TRABD2B: variants seen among roughly 807,000 people sequenced by gnomAD.
TRABD2B encodes metalloprotease TIKI2.
TRABD2B carries 14 observed loss-of-function variants against 40.1 expected under a neutral mutation model. That is an observed-to-expected ratio of 0.35 (90% CI 0.23 to 0.55). TRABD2B has a LOEUF of 0.55. TRABD2B is among the 20% of genes least tolerant of loss of function. The probability of loss-of-function intolerance (pLI) is 0.90; values close to 1 mark genes in which losing one functional copy is unlikely to be tolerated. For synonymous variants in TRABD2B, 263 were observed against 277.0 expected, an observed-to-expected ratio of 0.95 and a Z score of 0.50; for missense variants, 541 against 648.6, an observed-to-expected ratio of 0.83 and a Z score of 1.80.
chr1:47,835,645 A>G (rs1349977539), intron 2 of TRABD2B, among the ~76,000 whole-genome samples: 1 of 152,254 alleles, frequency 6.6e-6, no homozygotes, highest in African/African-American at 2.4e-5. Flanking sequence ...AAGAACGTCA[A>G]TGAAGAATTC....
At chr1:47,991,637 A>G (rs1646012625) in intron 2 of TRABD2B, among the ~76,000 whole-genome samples, 1 of 152,170 alleles carries the variant, frequency 6.6e-6, no homozygotes, top group Non-Finnish European at 1.5e-5. Flanking sequence ...AAATACAAAA[A>G]TTTTAAAAAC....
intron 2 of TRABD2B, among the ~76,000 whole-genome samples, chr1:47,905,557 G>A (rs1398309724): frequency 6.6e-6 from 1 of 152,056 alleles, no homozygotes; most frequent in Non-Finnish European, 1.5e-5. Flanking sequence ...GCCTCCCATG[G>A]CTGTGCCTCC....
chr1:47,911,674 C>G (rs947441707), intron 2 of TRABD2B, among the ~76,000 whole-genome samples: 1 of 152,230 alleles, frequency 6.6e-6, no homozygotes, highest in African/African-American at 2.4e-5. Context: ...CCCTATGGAG[C>G]CACAGCTCCA....
In TRABD2B at chr1:47,813,046, T is replaced by C. The variant is rs147665965; in HGVS notation, c.667-11427A>G. Among the ~76,000 whole-genome samples the C allele has an allele frequency of 9.8e-4, 149 of 152,348 alleles. No individual in the cohort carries two copies. Among genetic ancestry groups the C allele is most frequent in the African/African-American group, 3.3e-3 (138 of 41,594 alleles). ...GCCGTGGTTACCATTATCACTGTTATTGTTATTAAGCAGCTGCTTCCATTG... is the reference window on the plus strand; with the variant it reads ...GCCGTGGTTACCATTATCACTGTTACTGTTATTAAGCAGCTGCTTCCATTG... On this transcript the variant is annotated intron_variant, in intron 2 of 6. Transcript: ENST00000606738. The surrounding 1 kb of genome is among the most constrained non-coding windows in gnomAD (Gnocchi z 4.3).
At chr1:47,920,557 A>G (rs1470625507) in intron 2 of TRABD2B, among the ~76,000 whole-genome samples, 1 of 152,218 alleles carries the variant, frequency 6.6e-6, no homozygotes, top group African/African-American at 2.4e-5. Context: ...GAAGCTGAAA[A>G]GCATTCTTTA....
In TRABD2B at chr1:47,851,530, T is replaced by C. The variant is rs184735741; in HGVS notation, c.667-49911A>G. 3.9e-5 allele frequency among the ~76,000 whole-genome samples: 6 copies of C among 152,328 alleles called. 1 individual carries two copies. The highest frequency in any genetic ancestry group is 2.6e-4 in the Admixed American group (4 of 15,304). Reference sequence around the variant, plus strand: ...GATTGATTTTTGACATTATGCTCAGTAAGAAATTTAGATCTTCTTTTGAGT... The same window carrying C: ...GATTGATTTTTGACATTATGCTCAGCAAGAAATTTAGATCTTCTTTTGAGT... On this transcript the variant is annotated intron_variant, in intron 2 of 6. Coordinates refer to ENST00000606738, the MANE Select transcript of TRABD2B (RefSeq NM_001194986.2).
At chr1:47,917,692 C>A (rs1416222435) in intron 2 of TRABD2B, among the ~76,000 whole-genome samples, 1 of 151,926 alleles carries the variant, frequency 6.6e-6, no homozygotes, top group Non-Finnish European at 1.5e-5. Flanking sequence ...TATGATTGCA[C>A]CACTGCACTT....
At chr1:47,854,992 T>C (rs1296099765) in intron 2 of TRABD2B, among the ~76,000 whole-genome samples, 1 of 152,200 alleles carries the variant, frequency 6.6e-6, no homozygotes, top group African/African-American at 2.4e-5. Flanking sequence ...ATGAGGGTAA[T>C]AGGCCTTCTT....
At chr1:47,793,377 A>G (rs1644702644) in intron 4 of TRABD2B, among the ~76,000 whole-genome samples, 1 of 152,226 alleles carries the variant, frequency 6.6e-6, no homozygotes, top group Non-Finnish European at 1.5e-5. Context: ...CTGTGTCTCT[A>G]CTACGTGAGG....
intron 2 of TRABD2B, among the ~76,000 whole-genome samples, chr1:47,956,197 G>A (rs1335008448): frequency 6.6e-6 from 1 of 152,168 alleles, no homozygotes; most frequent in African/African-American, 2.4e-5. Flanking sequence ...CATAAGACCT[G>A]AAGACTACAG....
At chr1:47,936,701 G>C (rs1382325102) in intron 2 of TRABD2B, among the ~76,000 whole-genome samples, 1 of 152,198 alleles carries the variant, frequency 6.6e-6, no homozygotes, top group Non-Finnish European at 1.5e-5. Flanking sequence ...CTCCGCTTAT[G>C]AGCTGCGTGA....
intron 2 of TRABD2B, among the ~76,000 whole-genome samples, chr1:47,934,726 C>T (rs17425924): frequency 0.2 from 30,263 of 152,126 alleles, 3,468 homozygotes; most frequent in Admixed American, 0.26. Flanking sequence ...GTTTCGTCAT[C>T]GGCCACATTT....
At chr1:47,799,556 C>T (rs1350796885) in intron 3 of TRABD2B, among the ~76,000 whole-genome samples, 1 of 152,206 alleles carries the variant, frequency 6.6e-6, no homozygotes, top group African/African-American at 2.4e-5. Flanking sequence ...CTGCCATGTG[C>T]TCTGTGCCAG....
At chr1:47,856,204 AC>A (rs1643888353) in intron 2 of TRABD2B, among the ~76,000 whole-genome samples, 1 of 152,124 alleles carries the variant, frequency 6.6e-6, no homozygotes, top group Admixed American at 6.5e-5. Flanking sequence ...TGCGGGCAGG[AC>A]CCCTGCCTGC....
At chr1:47,775,054 A>G in intron 6 of TRABD2B, 116 bp downstream of exon 6, 2 of 1,056,424 alleles carry the variant, frequency 1.9e-6, no homozygotes. Flanking sequence ...CACCTGCCAC[A>G]CTTCCTTAGA....
intron 2 of TRABD2B, among the ~76,000 whole-genome samples, chr1:47,945,651 A>G (rs1206501824): frequency 6.6e-6 from 1 of 152,164 alleles, no homozygotes; most frequent in Non-Finnish European, 1.5e-5. Context: ...CCAGAATGTC[A>G]TATAAATGAA....
chr1:47,965,232 T>C (rs1310971767), intron 2 of TRABD2B, among the ~76,000 whole-genome samples: 2 of 9,290 alleles, frequency 2.2e-4, no homozygotes, highest in African/African-American at 5.0e-4. Context: ...GTGGGGGGGG[T>C]GGATGGGGAG....
chr1:47,826,807 A>G (rs188945675), intron 2 of TRABD2B, among the ~76,000 whole-genome samples: 275 of 152,300 alleles, frequency 1.8e-3, no homozygotes, highest in African/African-American at 6.3e-3. Flanking sequence ...TCCTAGCCTC[A>G]AGTGATCCTC....
chr1:47,971,609 T>C (rs1054142081), intron 2 of TRABD2B, among the ~76,000 whole-genome samples: 42 of 152,176 alleles, frequency 2.8e-4, no homozygotes, highest in African/African-American at 9.7e-4. Flanking sequence ...GTGTTCTTCC[T>C]GCCTTCCCTG....
Sources: allele counts gnomAD v4.1 joint callset (sites outside exome capture counted in the v4.1 genomes callset), GRCh38; gene constraint gnomAD v4.1.1; non-coding constraint Gnocchi (gnomAD v3.1); transcripts MANE v1.5; gene names NCBI Gene and HGNC (gene_info 2026-07-23, HGNC 2026-07-21).